The following SLC24A3 variants were observed in gnomAD, a reference collection of about 807,000 sequenced individuals.
SLC24A3 encodes the protein sodium/potassium/calcium exchanger 3.
SLC24A3 carries 28 observed loss-of-function variants against 75.8 expected under a neutral mutation model. That is an observed-to-expected ratio of 0.37 (90% CI 0.27 to 0.51). SLC24A3 has a LOEUF of 0.51. Among genes scored for constraint, SLC24A3 ranks in the 20% least tolerant of loss-of-function variants. The pLI is 0.94. For missense variants in SLC24A3, 663 were observed against 847.8 expected, an observed-to-expected ratio of 0.78 and a Z score of 2.71; for synonymous variants, 372 against 334.1, an observed-to-expected ratio of 1.11 and a Z score of -1.24.
chr20:19,527,993 G>A (rs1384386180), intron 3 of SLC24A3, among the ~76,000 whole-genome samples: 2 of 152,134 alleles, frequency 1.3e-5, no homozygotes, highest in African/African-American at 4.8e-5. Flanking sequence ...AGCCTGAGAG[G>A]CAACTACTAG....
intron 2 of SLC24A3, among the ~76,000 whole-genome samples, chr20:19,373,647 G>A (rs570972585): frequency 1.3e-5 from 2 of 152,284 alleles, no homozygotes; most frequent in East Asian, 3.9e-4. Context: ...TTTGAGGACA[G>A]TCTAGCCCAC....
intron 2 of SLC24A3, among the ~76,000 whole-genome samples, chr20:19,498,233 A>G (rs551783345): frequency 1.6e-4 from 24 of 152,322 alleles, no homozygotes; most frequent in Non-Finnish European, 2.5e-4. Flanking sequence ...GAGTTGTATA[A>G]TTATTTCATT....
intron 3 of SLC24A3, among the ~76,000 whole-genome samples, chr20:19,531,586 T>G (rs1416408248): frequency 6.6e-6 from 1 of 152,184 alleles, no homozygotes; most frequent in African/African-American, 2.4e-5. Context: ...GGAGGAAGAA[T>G]TAGTCCAAGG....
At chr20:19,623,434 C>T (rs1430985179) in intron 6 of SLC24A3, among the ~76,000 whole-genome samples, 3 of 152,182 alleles carry the variant, frequency 2.0e-5, no homozygotes, top group Admixed American at 1.3e-4. Context: ...CAAAGGCTTA[C>T]CTTTCCAGTA....
At chr20:19,421,250 A>G (rs1456838847) in intron 2 of SLC24A3, among the ~76,000 whole-genome samples, 3 of 105,880 alleles carry the variant, frequency 2.8e-5, no homozygotes, top group Non-Finnish European at 5.6e-5. Context: ...CATCAGAGTG[A>G]ACAGGCAACC....
chr20:19,631,724 G>A (rs2031935643), intron 6 of SLC24A3, among the ~76,000 whole-genome samples: 1 of 151,666 alleles, frequency 6.6e-6, no homozygotes, highest in Admixed American at 6.6e-5. Flanking sequence ...TCTCTCCCTA[G>A]TAAGGTAAAA....
chr20:19,445,408 A>G (rs1303231842), intron 2 of SLC24A3, among the ~76,000 whole-genome samples: 2 of 152,244 alleles, frequency 1.3e-5, no homozygotes, highest in Admixed American at 1.3e-4. Flanking sequence ...GTATTTATGC[A>G]CAATGCATCT....
At chr20:19,612,094 C>T (rs1294034517) in intron 6 of SLC24A3, among the ~76,000 whole-genome samples, 2 of 152,168 alleles carry the variant, frequency 1.3e-5, no homozygotes, top group Non-Finnish European at 2.9e-5. Context: ...GCCACCCGTC[C>T]CTAGTTGTCT....
Position 19,496,454 on chromosome 20 carries a change from G to A in SLC24A3, c.272-19034G>A, listed in dbSNP as rs575223259. 5.9e-5 allele frequency among the ~76,000 whole-genome samples: 9 copies of A among 152,212 alleles called. 1 individual carries two copies. Among genetic ancestry groups the A allele is most frequent in the South Asian group, 4.2e-4 (2 of 4,818 alleles). On this transcript the variant is annotated intron_variant, in intron 2 of 16. Transcript: ENST00000328041. ...TGTGGGGAACAAGTTGCTGTCCATC[G>A]CCCACCCTCCAGCCTGCACTCCTGT...
At chr20:19,705,519 T>G (rs1487921784) in intron 15 of SLC24A3, among the ~76,000 whole-genome samples, 3 of 152,220 alleles carry the variant, frequency 2.0e-5, no homozygotes, top group Non-Finnish European at 4.4e-5. Flanking sequence ...TGATCTGCCC[T>G]CTTCTCCACC....
chr20:19,534,124 A>G (rs1429656953), intron 3 of SLC24A3, among the ~76,000 whole-genome samples: 1 of 152,280 alleles, frequency 6.6e-6, no homozygotes, highest in East Asian at 1.9e-4. Context: ...AAACAGCTAC[A>G]TAAATAGCAA....
chr20:19,687,558 T>C (rs1221384552), intron 12 of SLC24A3, among the ~76,000 whole-genome samples: 1 of 152,166 alleles, frequency 6.6e-6, no homozygotes, highest in Non-Finnish European at 1.5e-5. Flanking sequence ...TAATGCTTAT[T>C]TCGCTAAAAT....
At chr20:19,325,791 T>G (rs1175147568) in intron 2 of SLC24A3, among the ~76,000 whole-genome samples, 126 of 89,376 alleles carry the variant, frequency 1.4e-3, no homozygotes, top group African/African-American at 2.6e-3. Context: ...TATATATATA[T>G]ATATAGAGAG....
intron 6 of SLC24A3, among the ~76,000 whole-genome samples, chr20:19,604,303 A>G (rs1463119085): frequency 1.3e-5 from 2 of 152,194 alleles, no homozygotes; most frequent in Non-Finnish European, 2.9e-5. Flanking sequence ...TGAAGAGGGA[A>G]TCTTGGGGCT....
intron 6 of SLC24A3, among the ~76,000 whole-genome samples, chr20:19,617,470 C>T (rs1476520779): frequency 2.6e-5 from 4 of 152,262 alleles, no homozygotes; most frequent in Admixed American, 6.5e-5. Context: ...GGACTCAAAG[C>T]GGCAGGGCTT....
chr20:19,604,075 C>T (rs2031564262), intron 6 of SLC24A3, among the ~76,000 whole-genome samples: 1 of 152,114 alleles, frequency 6.6e-6, no homozygotes, highest in Non-Finnish European at 1.5e-5. Context: ...TTCTAGGGCT[C>T]GGGGATATGA....
intron 15 of SLC24A3, among the ~76,000 whole-genome samples, chr20:19,708,315 C>G (rs945688226): frequency 2.0e-5 from 3 of 152,170 alleles, no homozygotes; most frequent in African/African-American, 4.8e-5. Context: ...CTGTATCTTA[C>G]TCAACTTGTG....
At chr20:19,329,277 A>G (rs1397880632) in intron 2 of SLC24A3, among the ~76,000 whole-genome samples, 5 of 152,236 alleles carry the variant, frequency 3.3e-5, no homozygotes, top group Non-Finnish European at 5.9e-5. Flanking sequence ...TAATAAAAAA[A>G]GAAAAAAGCT....
At chr20:19,670,962 C>G (rs2032459251) in intron 8 of SLC24A3, among the ~76,000 whole-genome samples, 1 of 152,122 alleles carries the variant, frequency 6.6e-6, no homozygotes, top group Non-Finnish European at 1.5e-5. Flanking sequence ...GGGAAGGTGT[C>G]AGGTGTGAGG....
Sources: allele counts gnomAD v4.1 joint callset (sites outside exome capture counted in the v4.1 genomes callset), GRCh38; gene constraint gnomAD v4.1.1; transcripts MANE v1.5; gene names NCBI Gene and HGNC (gene_info 2026-07-23, HGNC 2026-07-21).